NRXN1: variants seen among roughly 807,000 people sequenced by gnomAD.
NRXN1 encodes the protein neurexin 1.
A neutral mutation model predicts 150.9 loss-of-function variants in NRXN1; 39 were observed. That is an observed-to-expected ratio of 0.26 (90% CI 0.20 to 0.34). The LOEUF (loss-of-function observed/expected upper bound fraction) is 0.34. Among genes scored for constraint, NRXN1 ranks in the 10% least tolerant of loss-of-function variants. The pLI, the probability that NRXN1 is intolerant of heterozygous loss-of-function variation, is 1.00. For synonymous variants in NRXN1, 924 were observed against 757.0 expected (o/e 1.22, Z -3.62); for missense variants, 1,815 against 1,949.9 (o/e 0.93, Z 1.30).
rs56387541 is a variant in NRXN1, at chr2:50,338,707, GAA to G, written c.3365-101739_3365-101738del. On this transcript the variant is annotated intron_variant, in intron 17 of 22. Coordinates refer to ENST00000401669, the MANE Select transcript of NRXN1 (RefSeq NM_001330078.2). ...CTTGGATAGTTTTATATTAGAAAGA[GAA>G]AAAAAAAAAAAAGATAAAACAATGT... is the stretch of plus-strand genomic sequence containing the variant. Among the ~76,000 whole-genome samples the G allele has an allele frequency of 5.6e-3, 754 of 135,230 alleles. 19 individuals are homozygous for G. Among genetic ancestry groups the G allele is most frequent in the Admixed American group, 0.041 (568 of 13,754 alleles). 88.7% of individuals were successfully genotyped at this position (135,230 alleles called of 152,430 possible).
chr2:50,928,607 C>G (rs901387614), intron 2 of NRXN1, among the ~76,000 whole-genome samples: 1 of 151,890 alleles, frequency 6.6e-6, no homozygotes. Flanking sequence ...CTCCTCATAA[C>G]AATTTTTTCT....
intron 17 of NRXN1, among the ~76,000 whole-genome samples, chr2:50,465,159 C>T (rs2088684582): frequency 6.6e-6 from 1 of 151,462 alleles, no homozygotes; most frequent in Non-Finnish European, 1.5e-5. Flanking sequence ...GGAGAATTGT[C>T]ATATATTGGA....
intron 2 of NRXN1, among the ~76,000 whole-genome samples, chr2:51,015,334 T>C (rs1240559076): frequency 6.6e-6 from 1 of 152,098 alleles, no homozygotes; most frequent in Admixed American, 6.6e-5. Context: ...TGAGCATCTT[T>C]CCATCCTCCA....
intron 5 of NRXN1, among the ~76,000 whole-genome samples, chr2:50,630,910 A>C (rs1291645731): frequency 6.6e-6 from 1 of 151,806 alleles, no homozygotes; most frequent in Non-Finnish European, 1.5e-5. Context: ...TTATTAAAAC[A>C]AATAAGCCAG....
intron 18 of NRXN1, among the ~76,000 whole-genome samples, chr2:50,213,070 A>G (rs1479753919): frequency 2.0e-5 from 3 of 151,886 alleles, no homozygotes; most frequent in African/African-American, 7.2e-5. Context: ...CATTGGTACC[A>G]TGGCAGACAG....
chr2:50,786,286 G>A (rs1046466528), intron 5 of NRXN1, among the ~76,000 whole-genome samples: 1 of 151,998 alleles, frequency 6.6e-6, no homozygotes, highest in Non-Finnish European at 1.5e-5. Context: ...ATGAAGAGGG[G>A]CTCTTTTTAA....
intron 5 of NRXN1, among the ~76,000 whole-genome samples, chr2:50,629,982 A>G (rs1398935054): frequency 6.6e-6 from 1 of 151,670 alleles, no homozygotes; most frequent in African/African-American, 2.4e-5. Context: ...TTATGATAAA[A>G]TTGGGAAAAA....
At chr2:50,660,069 A>G (rs1687072160) in intron 5 of NRXN1, among the ~76,000 whole-genome samples, 1 of 152,014 alleles carries the variant, frequency 6.6e-6, no homozygotes, top group African/African-American at 2.4e-5. Context: ...AAATACATCA[A>G]ATGCCTCCTA....
At chr2:50,233,415 T>C (rs2152874959) in intron 18 of NRXN1, among the ~76,000 whole-genome samples, 2 of 152,178 alleles carry the variant, frequency 1.3e-5, no homozygotes, top group Non-Finnish European at 2.9e-5. Context: ...AAATCCAACA[T>C]TTTTATTCTG....
At chr2:50,881,956 A>C (rs944054051) in intron 5 of NRXN1, among the ~76,000 whole-genome samples, 1 of 151,816 alleles carries the variant, frequency 6.6e-6, no homozygotes, top group Non-Finnish European at 1.5e-5. Context: ...TAGCAATTGA[A>C]GGGGGAGGGA....
intron 17 of NRXN1, among the ~76,000 whole-genome samples, chr2:50,388,424 G>T (rs983103280): frequency 6.6e-6 from 1 of 152,120 alleles, no homozygotes; most frequent in African/African-American, 2.4e-5. Flanking sequence ...GGGCAACACT[G>T]AGAATCCAGT....
chr2:50,380,750 T>C (rs757450132), intron 17 of NRXN1, among the ~76,000 whole-genome samples: 17 of 152,146 alleles, frequency 1.1e-4, no homozygotes, highest in African/African-American at 1.7e-4. Context: ...CCACCCGTTA[T>C]AGTGCAGTAC....
At chr2:50,299,788 T>G (rs1424351679) in intron 17 of NRXN1, among the ~76,000 whole-genome samples, 1 of 152,208 alleles carries the variant, frequency 6.6e-6, no homozygotes, top group African/African-American at 2.4e-5. Context: ...GAAATGGCTA[T>G]GTTTTAAATA....
intron 17 of NRXN1, among the ~76,000 whole-genome samples, chr2:50,369,532 T>G (rs771454828): frequency 6.6e-6 from 1 of 152,056 alleles, no homozygotes; most frequent in Non-Finnish European, 1.5e-5. Flanking sequence ...GTGTTACTTG[T>G]CTTCTATATT....
chr2:50,170,977 G>C (rs971378517), intron 18 of NRXN1, among the ~76,000 whole-genome samples: 1 of 152,080 alleles, frequency 6.6e-6, no homozygotes, highest in Non-Finnish European at 1.5e-5. Context: ...GTTATATGTA[G>C]TATATACTGC....
At chr2:50,721,321 T>C (rs114106674) in intron 5 of NRXN1, among the ~76,000 whole-genome samples, 1 of 152,320 alleles carries the variant, frequency 6.6e-6, no homozygotes, top group African/African-American at 2.4e-5. Flanking sequence ...TGTCCTGTTA[T>C]AAAATCAGCT....
chr2:49,920,227 A>G lies in NRXN1; in HGVS notation c.*1717T>C, dbSNP rs1033517139. The stretch of plus-strand genomic sequence containing the variant: ...AACCAGAAAAGTTAAAACATAGTCA[A>G]TAATTAACAGAGAATGATTTTTTAA... On this transcript the variant is annotated 3_prime_UTR_variant, in exon 23 of 23. Coordinates refer to ENST00000401669, the MANE Select transcript of NRXN1 (RefSeq NM_001330078.2). 4 of 152,238 alleles carry G rather than the reference A, an allele frequency of 2.6e-5. No individual in the cohort carries two copies. The highest frequency in any genetic ancestry group is 7.2e-5 in the African/African-American group (3 of 41,460). The allele number at this position is 152,238 out of a possible 1,614,324, so 9.4% of individuals were successfully genotyped here.
intron 5 of NRXN1, among the ~76,000 whole-genome samples, chr2:50,740,020 T>G (rs1182038724): frequency 2.6e-5 from 4 of 152,198 alleles, no homozygotes; most frequent in Non-Finnish European, 5.9e-5. Context: ...TCACTTCTAC[T>G]CGTACAAGGG....
At chr2:50,195,170 C>A (rs2061678432) in intron 18 of NRXN1, among the ~76,000 whole-genome samples, 2 of 152,120 alleles carry the variant, frequency 1.3e-5, no homozygotes, top group African/African-American at 4.8e-5. Context: ...TAAAATCATT[C>A]TTATTCTGTA....
Sources: gnomAD v4.1 joint callset for allele counts (sites outside exome capture counted in the v4.1 genomes callset) on GRCh38, gnomAD v4.1.1 for gene constraint, MANE v1.5 for transcripts, NCBI Gene and HGNC (gene_info 2026-07-23, HGNC 2026-07-21) for gene names.